The following SLC25A48 variants were observed in gnomAD, a reference collection of about 807,000 sequenced individuals.
SLC25A48 encodes solute carrier family 25 member 48.
A neutral mutation model predicts 32.2 loss-of-function variants in SLC25A48; 29 were observed. The ratio of observed to expected loss-of-function variants is 0.90; its 90% CI spans 0.67 to 1.23. The LOEUF is 1.23. Ranked by LOEUF, SLC25A48 falls within the 50% of genes most tolerant of loss-of-function variation. SLC25A48 has a pLI of 0.00. For missense variants in SLC25A48, 399 were observed against 422.7 expected (o/e 0.94, Z 0.49); for synonymous variants, 164 against 172.3 (o/e 0.95, Z 0.38).
At chr5:135,655,077 G>A (rs1348055468) in intron 3 of SLC25A48, among the ~76,000 whole-genome samples, 1 of 152,186 alleles carries the variant, frequency 6.6e-6, no homozygotes, top group Non-Finnish European at 1.5e-5. Context: ...CATTAAGCGG[G>A]AAGCACTCCA....
intron 1 of SLC25A48, among the ~76,000 whole-genome samples, chr5:135,619,387 A>C (rs1478552579): frequency 6.6e-6 from 1 of 151,788 alleles, no homozygotes; most frequent in Non-Finnish European, 1.5e-5. Flanking sequence ...CTTTTTGGTA[A>C]ATTTCTCTTT....
At chr5:135,772,770 G>C (rs1054851578) in intron 3 of SLC25A48, among the ~76,000 whole-genome samples, 2 of 151,548 alleles carry the variant, frequency 1.3e-5, no homozygotes, top group Non-Finnish European at 2.9e-5. Flanking sequence ...ATATCCAAGA[G>C]AGGAGAAGAT....
At chr5:135,806,125 A>G (rs1415518863) in intron 3 of SLC25A48, among the ~76,000 whole-genome samples, 2 of 151,630 alleles carry the variant, frequency 1.3e-5, no homozygotes, top group African/African-American at 4.8e-5. Flanking sequence ...CGTTTTTATC[A>G]TCTTAAATAG....
chr5:135,747,591 C>T (rs1193781140), intron 3 of SLC25A48, among the ~76,000 whole-genome samples: 1 of 152,136 alleles, frequency 6.6e-6, no homozygotes, highest in Non-Finnish European at 1.5e-5. Flanking sequence ...GTTCAGAAAC[C>T]AAGATCTGGA....
In SLC25A48 at chr5:135,779,898, G is replaced by A. The variant is rs1292120493; in HGVS notation, c.-520-32625G>A. The stretch of plus-strand genomic sequence containing the variant: ...AGTGATATTGCTCTTAGTATTTCAG[G>A]GATGTACACACCCATGAGATATTGA... On this transcript the variant is annotated intron_variant, in intron 3 of 10. Coordinates refer to the SLC25A48 transcript ENST00000646290. 2.6e-5 allele frequency among the ~76,000 whole-genome samples: 3 copies of A among 115,606 alleles called. 1 individual carries two copies. The highest frequency in any genetic ancestry group is 8.9e-5 in the Admixed American group (1 of 11,192). 75.8% of individuals were successfully genotyped at this position (115,606 alleles called of 152,430 possible).
At chr5:135,769,517 A>G (rs1038202774) in intron 3 of SLC25A48, among the ~76,000 whole-genome samples, 14 of 151,874 alleles carry the variant, frequency 9.2e-5, no homozygotes, top group Admixed American at 7.9e-4. Context: ...CTAATATTGC[A>G]GGTGGTGTAC....
chr5:135,642,087 A>C (rs990711900), intron 3 of SLC25A48, among the ~76,000 whole-genome samples: 1 of 152,236 alleles, frequency 6.6e-6, no homozygotes, highest in Non-Finnish European at 1.5e-5. Flanking sequence ...GGATATGCCA[A>C]ACCTACTGGG....
chr5:135,750,271 C>A (rs35896735), intron 3 of SLC25A48, among the ~76,000 whole-genome samples: 46,051 of 151,998 alleles, frequency 0.3, 7,130 homozygotes, highest in East Asian at 0.46. Flanking sequence ...AACAAGTCAC[C>A]CCAATATGTA....
At chr5:135,632,019 A>G (rs801577) in intron 2 of SLC25A48, among the ~76,000 whole-genome samples, 119,321 of 152,170 alleles carry the variant, frequency 0.78, 48,179 homozygotes, top group South Asian at 0.96. Flanking sequence ...CCCTCTACCT[A>G]TGTGGTTCTT....
intron 3 of SLC25A48, among the ~76,000 whole-genome samples, chr5:135,735,240 C>A (rs1056989489): frequency 6.6e-6 from 1 of 152,106 alleles, no homozygotes; most frequent in African/African-American, 2.4e-5. Context: ...TTTTGTCTCA[C>A]GGTGGAGGCA....
exon 1 of SLC25A48, chr5:135,579,557 C>A (rs1053802942): frequency 2.0e-5 from 3 of 152,334 alleles, no homozygotes; most frequent in Non-Finnish European, 4.4e-5. Context: ...TGTCCAGCAG[C>A]AAAGTCATTG....
intron 3 of SLC25A48, among the ~76,000 whole-genome samples, chr5:135,737,222 A>T (rs1561469653): frequency 6.6e-6 from 1 of 151,376 alleles, no homozygotes. Flanking sequence ...GCCGTTTTAT[A>T]GGATTTGGGT....
intron 3 of SLC25A48, among the ~76,000 whole-genome samples, chr5:135,743,300 G>A (rs554947504): frequency 3.3e-5 from 5 of 151,022 alleles, no homozygotes; most frequent in African/African-American, 4.9e-5. Context: ...TGGAACTCCC[G>A]ACCTCAAGTG....
At chr5:135,592,175 G>A (rs1281039668) in intron 1 of SLC25A48, among the ~76,000 whole-genome samples, 1 of 152,182 alleles carries the variant, frequency 6.6e-6, no homozygotes, top group African/African-American at 2.4e-5. Flanking sequence ...ACGGTGAGAA[G>A]AGGCTCCATG....
rs1483097186 is a variant in SLC25A48, at chr5:135,629,280, A to G, written c.-805A>G. On this transcript the variant is annotated 5_prime_UTR_variant, in exon 2 of 11. Coordinates refer to the SLC25A48 transcript ENST00000646290. This position sits in a 1 kb window ranked among gnomAD's most constrained non-coding sequence, Gnocchi z 4.8. ...GAAAGGAGGAAAAAAACCCTGCTGG[A>G]CGTTGGATGTACAGCCAAACACCTG... is the stretch of plus-strand genomic sequence containing the variant. The G allele has an allele frequency of 6.6e-6, 1 of 152,150 alleles. No individual in the cohort carries two copies. The highest frequency in any genetic ancestry group is 2.4e-5 in the African/African-American group (1 of 41,436). 9.4% of individuals were successfully genotyped at this position (152,150 alleles called of 1,614,324 possible).
At chr5:135,886,588 A>AATATATATATATATATAT (rs147005349) in intron 7 of SLC25A48, among the ~76,000 whole-genome samples, 1 of 35,450 alleles carries the variant, frequency 2.8e-5, no homozygotes. Context: ...TATTTAACCA[A>AATATATATATATATATAT]ATATATATAT....
chr5:135,845,991 G>A (rs1295179763), intron 2 of SLC25A48, among the ~76,000 whole-genome samples: 1 of 152,218 alleles, frequency 6.6e-6, no homozygotes, highest in Non-Finnish European at 1.5e-5. Context: ...TACCGTACCA[G>A]TACCAGCCTG....
intron 4 of SLC25A48, among the ~76,000 whole-genome samples, chr5:135,865,196 A>G (rs1165404470): frequency 2.0e-5 from 3 of 152,250 alleles, no homozygotes; most frequent in South Asian, 4.1e-4. Context: ...TTGTACATTA[A>G]GTAGCAACTG....
intron 1 of SLC25A48, among the ~76,000 whole-genome samples, chr5:135,611,336 C>T (rs551760981): frequency 6.6e-6 from 1 of 151,254 alleles, no homozygotes; most frequent in East Asian, 1.9e-4. Context: ...ATGGCGAAAC[C>T]TTGTTTCTAC....
Sources: gnomAD v4.1 joint callset for allele counts (sites outside exome capture counted in the v4.1 genomes callset) on GRCh38, gnomAD v4.1.1 for gene constraint, Gnocchi (gnomAD v3.1) non-coding constraint, MANE v1.5 for transcripts, NCBI Gene and HGNC (gene_info 2026-07-23, HGNC 2026-07-21) for gene names.